The following SLC25A17 variants were observed in gnomAD, a reference collection of about 807,000 sequenced individuals.
SLC25A17 encodes the protein peroxisomal membrane protein PMP34.
SLC25A17 carries 26 observed loss-of-function variants against 38.5 expected under a neutral mutation model. That is an observed-to-expected ratio of 0.68 (90% CI 0.50 to 0.94). The LOEUF (loss-of-function observed/expected upper bound fraction) is 0.94, where lower values mean the gene tolerates loss of function less well. SLC25A17 is among the 40% of genes least tolerant of loss of function. The pLI is 0.00. For synonymous variants in SLC25A17, 139 were observed against 136.2 expected (o/e 1.02, Z -0.14); for missense variants, 333 against 372.7 (o/e 0.89, Z 0.88).
chr22:40,797,288 C>T (rs780545368), intron 2 of SLC25A17: 3 of 1,291,428 alleles, frequency 2.3e-6, no homozygotes, highest in Non-Finnish European at 3.1e-6. Context: ...TCTTACTCAT[C>T]TCTTCATGCA....
intron 4 of SLC25A17, among the ~76,000 whole-genome samples, chr22:40,783,789 T>G (rs2057313870): frequency 6.6e-6 from 1 of 152,088 alleles, no homozygotes; most frequent in Non-Finnish European, 1.5e-5. Context: ...CACTGCAACC[T>G]CCGCCTCCTG....
intron 1 of SLC25A17, among the ~76,000 whole-genome samples, chr22:40,809,048 A>G (rs552027041): frequency 1.3e-5 from 2 of 152,314 alleles, no homozygotes; most frequent in South Asian, 4.1e-4. Flanking sequence ...GACGTTTTGG[A>G]AAATATGGTT....
At position 40,801,119 on chromosome 22, in the gene SLC25A17, AATATATTACATATATATATATATATATAT is replaced by A. The variant is rs1207342594; in HGVS notation, c.55-2065_55-2037del. Among the ~76,000 whole-genome samples, 618 of 119,890 alleles carry A rather than the reference AATATATTACATATATATATATATATATAT, an allele frequency of 5.2e-3. 8 individuals carry two copies. Among genetic ancestry groups the A allele is most frequent in the African/African-American group, 0.02 (581 of 29,120 alleles). 78.7% of individuals were successfully genotyped at this position (119,890 alleles called of 152,430 possible). On this transcript the variant is annotated intron_variant, in intron 1 of 8. Coordinates refer to ENST00000435456, the MANE Select transcript of SLC25A17 (RefSeq NM_006358.4). ...TGTCTCAAAAAAGAAAAAAGAAAAAAATATATTACATATATATATATATATATATATATATATATATATATATATGTAAA... is the reference window on the plus strand; with the variant it reads ...TGTCTCAAAAAAGAAAAAAGAAAAAAATATATATATATATATATATGTAAA...
rs1317142388 is a variant in SLC25A17 at position 40,779,123 on chromosome 22, C to T, written c.337G>A (p.Val113Met). Residue 113 changes from valine to methionine, a missense_variant and splice_region_variant, in exon 5 of 9, where the codon GTG becomes ATG. By Grantham distance (21) the Val-to-Met change is conservative. Coordinates refer to ENST00000435456, the MANE Select transcript of SLC25A17 (RefSeq NM_006358.4). ...GGAGTTGTTAGCAACACATTAACCA[C>T]TCCTTTAACAAGAAAGATGGAGAGA... is the stretch of plus-strand genomic sequence containing the variant. Reference protein sequence around the residue: ...KDLVVGFVAGVVNVLLTTPLW... With the variant: ...KDLVVGFVAGMVNVLLTTPLW... 4 of 1,614,114 alleles carry T rather than the reference C, an allele frequency of 2.5e-6. No individual in the cohort carries two copies. The highest frequency in any genetic ancestry group is 3.4e-6 in the Non-Finnish European group (4 of 1,180,058).
intron 8 of SLC25A17, among the ~76,000 whole-genome samples, chr22:40,773,410 C>CAAAAAAAAA (rs59479764): frequency 1.3e-5 from 1 of 74,336 alleles, no homozygotes. Flanking sequence ...ACTCTGTCTC[C>CAAAAAAAAA]AAAAAAAAAA....
intron 4 of SLC25A17, among the ~76,000 whole-genome samples, chr22:40,782,342 T>G (rs926111060): frequency 2.6e-5 from 4 of 152,218 alleles, no homozygotes; most frequent in African/African-American, 9.6e-5. Context: ...AGAAGACTGT[T>G]TTTTTTCTAA....
At chr22:40,803,079 T>C (rs2057497230) in intron 1 of SLC25A17, among the ~76,000 whole-genome samples, 1 of 152,204 alleles carries the variant, frequency 6.6e-6, no homozygotes, top group South Asian at 2.1e-4. Flanking sequence ...TTATTTGCTA[T>C]CGTCACCATA....
In SLC25A17 at chr22:40,792,588, C is replaced by T. The variant is rs1483494312; in HGVS notation, c.271G>A (p.Ala91Thr). 2 of 1,614,012 alleles carry T rather than the reference C, an allele frequency of 1.2e-6. No individual in the cohort carries two copies. The highest frequency in any genetic ancestry group is 1.7e-5 in the Admixed American group (1 of 60,008). Residue 91 changes from alanine (A) to threonine (T), a missense_variant, in exon 4 of 9, where the codon GCA becomes ACA. Ala to Thr is a moderately conservative substitution (Grantham distance 58). Coordinates refer to ENST00000435456, the MANE Select transcript of SLC25A17 (RefSeq NM_006358.4). ...GAATGTTGACCTTTGACCCAGAGTG[C>T]TTTGAGGCTATTAAAAGTGTAGAAA... The part of the protein sequence containing the change: ...VYFYTFNSLK[A>T]LWVKGQHSTT...
intron 8 of SLC25A17, among the ~76,000 whole-genome samples, chr22:40,772,092 G>A (rs914187061): frequency 2.6e-5 from 4 of 151,154 alleles, no homozygotes; most frequent in East Asian, 1.9e-4. Flanking sequence ...CATTTCTCTT[G>A]GGTAAATACC....
chr22:40,778,595 T>G (rs192787444), intron 5 of SLC25A17, among the ~76,000 whole-genome samples: 15 of 152,340 alleles, frequency 9.8e-5, no homozygotes, highest in Non-Finnish European at 1.5e-4. Flanking sequence ...TACTTTAAGT[T>G]CTAGGGGACA....
chr22:40,806,422 A>G lies in SLC25A17; in HGVS notation c.55-7339T>C, dbSNP rs902632431. On this transcript the variant is annotated intron_variant, in intron 1 of 8. Transcript: ENST00000435456. Reference sequence around the variant, plus strand: ...TACCTAGAAATGTCGAATAAAATATATATAACAAATATCCTTTAAATGCTT... The same window carrying G: ...TACCTAGAAATGTCGAATAAAATATGTATAACAAATATCCTTTAAATGCTT... 1.1e-4 allele frequency among the ~76,000 whole-genome samples: 16 copies of G among 152,346 alleles called. 1 individual carries two copies. The highest frequency in any genetic ancestry group is 3.1e-4 in the African/African-American group (13 of 41,578).
At position 40,769,686 on chromosome 22, in the gene SLC25A17, T is replaced by C. The variant is rs767636122; in HGVS notation, c.*1148A>G. Reference sequence around the variant, plus strand: ...CTCTTTCCTTTGAGAAAAATCTTTATCTTGATGTCTATAATCGAAACCAAT... The same window carrying C: ...CTCTTTCCTTTGAGAAAAATCTTTACCTTGATGTCTATAATCGAAACCAAT... On this transcript the variant is annotated 3_prime_UTR_variant, in exon 9 of 9. Coordinates refer to ENST00000435456, the MANE Select transcript of SLC25A17 (RefSeq NM_006358.4). 6.6e-5 allele frequency: 10 copies of C among 152,230 alleles called. No homozygotes were observed. Among genetic ancestry groups the C allele is most frequent in the Non-Finnish European group, 1.3e-4 (9 of 68,042 alleles). 9.4% of individuals were successfully genotyped at this position (152,230 alleles called of 1,614,324 possible). A position where few individuals can be genotyped will look rare whatever the true frequency, so the allele number is the denominator to read the frequency against.
At position 40,770,976 on chromosome 22, in the gene SLC25A17, A is replaced by T. The variant is rs761026484; in HGVS notation, c.782T>A (p.Phe261Tyr). 16 of 1,593,046 alleles carry T rather than the reference A, an allele frequency of 1.0e-5. No homozygotes were observed. The highest frequency in any genetic ancestry group is 8.6e-7 in the Non-Finnish European group (1 of 1,166,852). The change falls in exon 9 of 9, where the codon TTT becomes TAT. Residue 261 changes from phenylalanine to tyrosine, a missense_variant. Phe to Tyr is a conservative substitution (Grantham distance 22). Transcript: ENST00000435456. ...LYLLHQRVRR[F>Y]GIMGLYKGLE... ...GCCTTTGTAGAGTCCCATTATTCCA[A>T]AACGTCTAAAGGGAAAGAGGTTTGA...
intron 1 of SLC25A17, among the ~76,000 whole-genome samples, chr22:40,801,137 A>G (rs1407312376): frequency 8.8e-5 from 3 of 34,064 alleles, no homozygotes; most frequent in African/African-American, 1.6e-4. Context: ...ACATATATAT[A>G]TATATATATA....
intron 8 of SLC25A17, among the ~76,000 whole-genome samples, chr22:40,771,623 G>C (rs374844880): frequency 1.3e-5 from 2 of 152,020 alleles, no homozygotes; most frequent in African/African-American, 2.4e-5. Flanking sequence ...GACAAATATC[G>C]CATGTTCTCA....
chr22:40,812,840 C>T (rs1468130788), intron 1 of SLC25A17, among the ~76,000 whole-genome samples: 5 of 151,966 alleles, frequency 3.3e-5, no homozygotes, highest in Admixed American at 6.5e-5. Context: ...GCACTCCAGC[C>T]TGGGAAACAC....
At chr22:40,796,947 T>C (rs2057436527) in intron 2 of SLC25A17, among the ~76,000 whole-genome samples, 1 of 151,784 alleles carries the variant, frequency 6.6e-6, no homozygotes, top group South Asian at 2.1e-4. Context: ...AAGTTCAAAG[T>C]ACAGGACAGC....
chr22:40,815,402 G>A (rs189002027), intron 1 of SLC25A17, among the ~76,000 whole-genome samples: 2 of 152,306 alleles, frequency 1.3e-5, no homozygotes, highest in Admixed American at 1.3e-4. Context: ...CCAGCAGAAT[G>A]TAGAAAACAC....
chr22:40,801,078 T>A (rs1435711601), intron 1 of SLC25A17, among the ~76,000 whole-genome samples: 2 of 145,762 alleles, frequency 1.4e-5, no homozygotes, highest in African/African-American at 2.6e-5. Context: ...CACTCCAGCC[T>A]GGGCAAAAGA....
Sources: allele counts gnomAD v4.1 joint callset (sites outside exome capture counted in the v4.1 genomes callset), GRCh38; gene constraint gnomAD v4.1.1; transcripts MANE v1.5; gene names NCBI Gene and HGNC (gene_info 2026-07-23, HGNC 2026-07-21).